Variants in IQSEC1 observed in about 807,000 individuals in gnomAD.
The protein encoded by IQSEC1 is IQ motif and SEC7 domain-containing protein 1.
In IQSEC1, 31 loss-of-function variants were observed where a neutral mutation model predicts 91.0. The ratio of observed to expected loss-of-function variants is 0.34; its 90% CI spans 0.26 to 0.46. The LOEUF is 0.46. Among genes scored for constraint, IQSEC1 ranks in the 20% least tolerant of loss-of-function variants. The probability of loss-of-function intolerance (pLI) is 1.00; values close to 1 mark genes in which losing one functional copy is unlikely to be tolerated. For synonymous variants in IQSEC1, 699 were observed against 662.6 expected, an observed-to-expected ratio of 1.05 and a Z score of -0.84; for missense variants, 1,388 against 1,575.6, an observed-to-expected ratio of 0.88 and a Z score of 2.02.
chr3:13,032,623 G>A (rs990872244), intron 1 of IQSEC1, among the ~76,000 whole-genome samples: 9 of 148,732 alleles, frequency 6.1e-5, no homozygotes, highest in Non-Finnish European at 1.0e-4. Context: ...TCGCTCTGTC[G>A]CCCAGGCTGG....
Position 12,899,513 on chromosome 3 carries a change from C to CCA in IQSEC1, c.*1468_*1469dup. 3 of 1,552,936 alleles carry CCA rather than the reference C, an allele frequency of 1.9e-6. No individual in the cohort carries two copies. The highest frequency in any genetic ancestry group is 2.6e-6 in the Non-Finnish European group (3 of 1,145,076). ...TGGCCCTGGGGAGCGCATGGTGTCA[C>CCA]CACAACACAGAAGCGACAAGAGCAC... On this transcript the variant is annotated 3_prime_UTR_variant, in exon 14 of 14. Transcript: ENST00000613206.
At chr3:13,005,416 C>T (rs370633038) in intron 1 of IQSEC1, among the ~76,000 whole-genome samples, 1 of 152,154 alleles carries the variant, frequency 6.6e-6, no homozygotes, top group Non-Finnish European at 1.5e-5. Context: ...GCCTGCCTGC[C>T]CCCAGCAGAC....
At chr3:13,143,343 G>A (rs1406498354) in intron 2 of IQSEC1, among the ~76,000 whole-genome samples, 7 of 152,238 alleles carry the variant, frequency 4.6e-5, no homozygotes, top group Middle Eastern at 3.2e-3. Context: ...TGGGTGAAAT[G>A]GGGCCTGGGG....
At chr3:13,062,963 C>T (rs143864213) in intron 1 of IQSEC1, among the ~76,000 whole-genome samples, 27 of 152,336 alleles carry the variant, frequency 1.8e-4, no homozygotes, top group African/African-American at 5.3e-4. Context: ...CTTCATCCTT[C>T]GGAGGTCGGG....
chr3:13,200,819 C>A (rs1694230546), intron 1 of IQSEC1, among the ~76,000 whole-genome samples: 1 of 152,194 alleles, frequency 6.6e-6, no homozygotes, highest in African/African-American at 2.4e-5. Context: ...GGGCGAGTCA[C>A]TAAACCTCTC....
intron 13 of IQSEC1, among the ~76,000 whole-genome samples, 167 bp downstream of exon 13, chr3:12,902,606 G>T (rs545049864): frequency 2.0e-5 from 3 of 148,608 alleles, no homozygotes; most frequent in African/African-American, 5.0e-5. Flanking sequence ...GCAGGGAGTG[G>T]GTGTCTGCAT....
chr3:13,120,928 C>T (rs919729469), intron 2 of IQSEC1, among the ~76,000 whole-genome samples: 2 of 152,200 alleles, frequency 1.3e-5, no homozygotes, highest in Non-Finnish European at 2.9e-5. Flanking sequence ...AATATGGCCT[C>T]GGGGAATCCC....
intron 1 of IQSEC1, among the ~76,000 whole-genome samples, chr3:13,181,312 C>G (rs979518292): frequency 6.6e-6 from 1 of 152,132 alleles, no homozygotes; most frequent in Non-Finnish European, 1.5e-5. Flanking sequence ...ATATATGAAG[C>G]AAAAACTAGG....
intron 2 of IQSEC1, among the ~76,000 whole-genome samples, chr3:13,096,006 C>T (rs936350056): frequency 1.4e-4 from 22 of 152,326 alleles, no homozygotes; most frequent in African/African-American, 5.1e-4. Context: ...TCCATGGCTT[C>T]AATCCTGGCT....
intron 1 of IQSEC1, among the ~76,000 whole-genome samples, chr3:13,208,492 G>A (rs1210561628): frequency 6.6e-6 from 1 of 152,078 alleles, no homozygotes; most frequent in Non-Finnish European, 1.5e-5. Flanking sequence ...CCAGGCTCGG[G>A]AACCCACCCA....
intron 3 of IQSEC1, among the ~76,000 whole-genome samples, chr3:12,934,133 G>A (rs1029919237): frequency 7.9e-5 from 12 of 152,194 alleles, no homozygotes; most frequent in African/African-American, 2.4e-4. Flanking sequence ...CCTGTCCAGC[G>A]CATTGCTCCG....
chr3:13,038,262 GTATATATATATATATATATATATATA>G (rs58338571), intron 1 of IQSEC1, among the ~76,000 whole-genome samples: 1 of 101,236 alleles, frequency 9.9e-6, no homozygotes, highest in African/African-American at 3.6e-5. Context: ...GTGTGTGTGT[GTATATATATATATATATATATATATA>G]TATATATATA....
chr3:13,137,422 G>T (rs569220835), intron 2 of IQSEC1, among the ~76,000 whole-genome samples: 10 of 152,222 alleles, frequency 6.6e-5, no homozygotes, highest in Non-Finnish European at 1.2e-4. Flanking sequence ...GGTGGAAAAT[G>T]CCAATCTTAG....
At chr3:13,105,117 C>T (rs1347423598) in intron 2 of IQSEC1, among the ~76,000 whole-genome samples, 2 of 152,164 alleles carry the variant, frequency 1.3e-5, no homozygotes, top group Admixed American at 6.5e-5. Context: ...CTCTCTGGCT[C>T]GGCATTCAAG....
chr3:12,935,361 C>T lies in IQSEC1; in HGVS notation c.1568+87G>A, dbSNP rs149273467. The T allele has an allele frequency of 8.2e-5, 109 of 1,335,152 alleles. No homozygotes were observed. Among genetic ancestry groups the T allele is most frequent in the Admixed American group, 1.9e-4 (10 of 53,558 alleles). The allele number at this position is 1,335,152 out of a possible 1,614,324, so 82.7% of individuals were successfully genotyped here. ...ATAGGCCACGGTGGACCTCAAGCTC[C>T]GTGCTTGGAAGGATGCAGCCACGCC... On this transcript the variant is annotated intron_variant, in intron 3 of 13. Coordinates refer to ENST00000613206, the MANE Select transcript of IQSEC1 (RefSeq NM_001134382.3). The surrounding 1 kb of genome is among the most constrained non-coding windows in gnomAD (Gnocchi z 8.0).
chr3:12,987,115 T>C lies in IQSEC1; in HGVS notation c.24-45250A>G, dbSNP rs575304452. On this transcript the variant is annotated intron_variant, in intron 1 of 13. Coordinates refer to ENST00000613206, the MANE Select transcript of IQSEC1 (RefSeq NM_001134382.3). ...TGCGGCCAGTGCGGGTCATAAACCC[T>C]GAGCCCCTGCTTAATCCGCCAGCTC... 21 of 289,532 alleles carry C rather than the reference T, an allele frequency of 7.3e-5. No individual in the cohort carries two copies. In the East Asian group the frequency reaches 2.5e-3, roughly 35 times the overall value. 17.9% of individuals were successfully genotyped at this position (289,532 alleles called of 1,614,324 possible).
chr3:13,131,336 T>G (rs1254118918), intron 2 of IQSEC1, among the ~76,000 whole-genome samples: 2 of 151,768 alleles, frequency 1.3e-5, no homozygotes, highest in South Asian at 2.1e-4. Context: ...TTTTCCCATT[T>G]TTTTAAACCT....
chr3:13,132,028 G>T (rs1706628954), intron 2 of IQSEC1, among the ~76,000 whole-genome samples: 1 of 152,064 alleles, frequency 6.6e-6, no homozygotes, highest in Admixed American at 6.6e-5. Context: ...TCTTTATGTG[G>T]GTAATATTTT....
chr3:13,051,699 G>A (rs902873031), intron 1 of IQSEC1, among the ~76,000 whole-genome samples: 4 of 152,172 alleles, frequency 2.6e-5, no homozygotes, highest in African/African-American at 9.7e-5. Context: ...CAGGCCTCAG[G>A]CTCAGCTGGA....
Sources: allele counts gnomAD v4.1 joint callset (sites outside exome capture counted in the v4.1 genomes callset), GRCh38; gene constraint gnomAD v4.1.1; non-coding constraint Gnocchi (gnomAD v3.1); transcripts MANE v1.5; gene names NCBI Gene and HGNC (gene_info 2026-07-23, HGNC 2026-07-21).